The following PDE1A variants were observed in gnomAD, a reference collection of about 807,000 sequenced individuals.
PDE1A encodes phosphodiesterase 1A.
A neutral mutation model predicts 61.7 loss-of-function variants in PDE1A; 35 were observed. That is an observed-to-expected ratio of 0.57 (90% CI 0.43 to 0.75). The LOEUF (loss-of-function observed/expected upper bound fraction) is 0.75, where lower values mean the gene tolerates loss of function less well. PDE1A is among the 30% of genes least tolerant of loss of function. PDE1A has a pLI of 0.00. For missense variants in PDE1A, 597 were observed against 630.6 expected (o/e 0.95, Z 0.57); for synonymous variants, 232 against 213.2 (o/e 1.09, Z -0.77).
intron 1 of PDE1A, among the ~76,000 whole-genome samples, chr2:182,276,341 T>C (rs1319143613): frequency 1.3e-5 from 2 of 152,070 alleles, no homozygotes; most frequent in African/African-American, 4.8e-5. Flanking sequence ...ATTGCAAATA[T>C]TTCATTTTAA....
chr2:182,277,528 T>C (rs947541313), intron 1 of PDE1A, among the ~76,000 whole-genome samples: 3 of 152,080 alleles, frequency 2.0e-5, no homozygotes, highest in East Asian at 1.9e-4. Flanking sequence ...CTCCACCTAG[T>C]TGGGCTTCTC....
intron 2 of PDE1A, among the ~76,000 whole-genome samples, chr2:182,457,309 A>G (rs1328105156): frequency 6.6e-6 from 1 of 152,044 alleles, no homozygotes; most frequent in Admixed American, 6.6e-5. Flanking sequence ...AATTACCTGC[A>G]TATGATATAG....
chr2:182,342,560 G>T (rs1451233844), intron 1 of PDE1A, among the ~76,000 whole-genome samples: 1 of 152,190 alleles, frequency 6.6e-6, no homozygotes, highest in African/African-American at 2.4e-5. Context: ...ACACGTGCCT[G>T]TAGTCCTAGC....
chr2:182,245,943 G>GGTAT (rs1690913603), intron 2 of PDE1A, among the ~76,000 whole-genome samples: 1 of 152,282 alleles, frequency 6.6e-6, no homozygotes, highest in Admixed American at 6.5e-5. Flanking sequence ...TGTAACGAAT[G>GGTAT]AGCCAGAGGC....
At chr2:182,568,613 C>T in the PDE1A span, among the ~76,000 whole-genome samples, 2 of 151,862 alleles carry the variant, frequency 1.3e-5, no homozygotes, top group African/African-American at 2.4e-5. Context: ...TGCAGTGAGC[C>T]GAGATCACAC....
intron 2 of PDE1A, among the ~76,000 whole-genome samples, chr2:182,496,507 C>T (rs964473450): frequency 2.0e-5 from 3 of 152,172 alleles, no homozygotes; most frequent in African/African-American, 7.2e-5. Flanking sequence ...TTTAGGTTGA[C>T]TCATTCTATT....
chr2:182,243,274 AAAAAT>A (rs1282948609), intron 2 of PDE1A, among the ~76,000 whole-genome samples: 1 of 152,228 alleles, frequency 6.6e-6, no homozygotes, highest in Non-Finnish European at 1.5e-5. Context: ...AAGAAAGACT[AAAAAT>A]AAAATAAGAA....
intron 2 of PDE1A, among the ~76,000 whole-genome samples, chr2:182,474,404 G>A (rs1030087730): frequency 6.6e-6 from 1 of 151,876 alleles, no homozygotes; most frequent in Non-Finnish European, 1.5e-5. Flanking sequence ...TACTCAAGGA[G>A]GCCAAAAGCT....
chr2:182,563,569 G>T, the PDE1A span, among the ~76,000 whole-genome samples: 1 of 152,120 alleles, frequency 6.6e-6, no homozygotes, highest in Non-Finnish European at 1.5e-5. Flanking sequence ...ATGTCTATTA[G>T]GTCTGCTTGG....
chr2:182,147,005 G>T, downstream of PDE1A: 1 of 952,888 alleles, frequency 1.0e-6, no homozygotes, highest in Non-Finnish European at 1.6e-6. Flanking sequence ...TACTTTAGAA[G>T]TTAAGTTTCT....
chr2:182,388,414 A>G (rs975470699), intron 1 of PDE1A, among the ~76,000 whole-genome samples: 3 of 152,244 alleles, frequency 2.0e-5, no homozygotes, highest in South Asian at 2.1e-4. Context: ...AGGACTGATT[A>G]TATGTCAGGC....
chr2:182,664,374 T>C, the PDE1A span, among the ~76,000 whole-genome samples: 1 of 152,298 alleles, frequency 6.6e-6, no homozygotes, highest in Non-Finnish European at 1.5e-5. Context: ...AGAATAGGTA[T>C]GTAATTTGTG....
At chr2:182,636,224 C>T in the PDE1A span, among the ~76,000 whole-genome samples, 5 of 152,186 alleles carry the variant, frequency 3.3e-5, no homozygotes, top group East Asian at 9.7e-4. Flanking sequence ...TCCCAAAGTG[C>T]TGGGATTACA....
chr2:182,383,286 A>C (rs1700838025), intron 1 of PDE1A, among the ~76,000 whole-genome samples: 1 of 152,058 alleles, frequency 6.6e-6, no homozygotes, highest in Non-Finnish European at 1.5e-5. Flanking sequence ...TCAAATTCTC[A>C]AGTGCTTCTT....
At chr2:182,282,929 G>T (rs1574245103) in intron 1 of PDE1A, among the ~76,000 whole-genome samples, 1 of 152,030 alleles carries the variant, frequency 6.6e-6, no homozygotes, top group South Asian at 2.1e-4. Context: ...CCTGTGCATA[G>T]CCATACTGTT....
chr2:182,311,550 TGTC>T (rs1199858962), intron 1 of PDE1A, among the ~76,000 whole-genome samples: 4 of 152,186 alleles, frequency 2.6e-5, no homozygotes, highest in Non-Finnish European at 5.9e-5. Flanking sequence ...TTTTCTAAAA[TGTC>T]ATATAAATGG....
intron 13 of PDE1A, among the ~76,000 whole-genome samples, chr2:182,159,772 T>C (rs368912261): frequency 4.0e-4 from 61 of 152,130 alleles, no homozygotes; most frequent in African/African-American, 1.4e-3. Flanking sequence ...CTGTGGAACA[T>C]AGTGAGACCA....
At chr2:182,654,054 A>G in the PDE1A span, among the ~76,000 whole-genome samples, 1 of 152,216 alleles carries the variant, frequency 6.6e-6, no homozygotes, top group Middle Eastern at 3.2e-3. Context: ...AAGAGTGTTA[A>G]TAATACCTGT....
intron 13 of PDE1A, 55 bp downstream of exon 13, chr2:182,185,837 A>G: frequency 1.2e-6 from 2 of 1,610,328 alleles, no homozygotes. Context: ...CCAAACTCTT[A>G]GAGGAGAAGT....
Sources: allele counts gnomAD v4.1 joint callset (sites outside exome capture counted in the v4.1 genomes callset), GRCh38; gene constraint gnomAD v4.1.1; transcripts MANE v1.5; gene names NCBI Gene and HGNC (gene_info 2026-07-23, HGNC 2026-07-21).